TBX5: variants seen among roughly 807,000 people sequenced by gnomAD.
The protein encoded by TBX5 is T-box transcription factor TBX5.
TBX5 carries 8 observed loss-of-function variants against 51.1 expected under a neutral mutation model. The ratio of observed to expected loss-of-function variants is 0.16; its 90% CI spans 0.09 to 0.28. TBX5 has a LOEUF of 0.28. Ranked by LOEUF, TBX5 falls within the 10% of genes least tolerant of loss-of-function variation. TBX5 has a pLI of 1.00. For synonymous variants in TBX5, 302 were observed against 266.4 expected, an observed-to-expected ratio of 1.13 and a Z score of -1.30; for missense variants, 589 against 671.7, an observed-to-expected ratio of 0.88 and a Z score of 1.36.
intron 7 of TBX5, 43 bp from the exon 8 acceptor site, chr12:114,366,434 A>G: frequency 1.2e-6 from 2 of 1,600,536 alleles, no homozygotes; most frequent in Non-Finnish European, 1.7e-6. Flanking sequence ...CAGTGCCCTG[A>G]TACAGATTTC....
At chr12:114,405,055 C>A (rs1872117946) in intron 1 of TBX5, among the ~76,000 whole-genome samples, 1 of 152,214 alleles carries the variant, frequency 6.6e-6, no homozygotes, top group African/African-American at 2.4e-5. Flanking sequence ...CCCCCTAGAA[C>A]GGGAAGACTT....
intron 2 of TBX5, among the ~76,000 whole-genome samples, 200 bp downstream of exon 2, chr12:114,403,552 C>T (rs1388945510): frequency 6.6e-6 from 1 of 152,142 alleles, no homozygotes; most frequent in East Asian, 1.9e-4. Flanking sequence ...GATGGCAATA[C>T]GCTAGCATTT....
Position 114,403,826 on chromosome 12 carries a change from C to T in TBX5, c.73G>A (p.Asp25Asn). ...LEPDAKDLPC[D>N]SKPESALGAP... ...CCGAGCGCGCTCTCGGGTTTCGAAT[C>T]GCAGGGCAGGTCTTTTGCGTCAGGC... Residue 25 changes from aspartate to asparagine, a missense_variant, in exon 2 of 9, where the codon GAT (aspartate) becomes AAT (asparagine). Around this residue, in one of 7 missense-constraint regions of TBX5, gnomAD observed 101 missense variants for 83.3 expected, o/e 1.21. Coordinates refer to ENST00000405440, the MANE Select transcript of TBX5 (RefSeq NM_181486.4). 6.2e-7 allele frequency: 1 copy of T among 1,614,110 alleles called. No individual in the cohort carries two copies. The highest frequency in any genetic ancestry group is 8.5e-7 in the Non-Finnish European group (1 of 1,180,026).
At chr12:114,385,903 G>A (rs1870789309) in intron 6 of TBX5, among the ~76,000 whole-genome samples, 1 of 149,058 alleles carries the variant, frequency 6.7e-6, no homozygotes, top group Admixed American at 6.8e-5. Context: ...TCAATACTCA[G>A]TACTCCCTCC....
intron 3 of TBX5, among the ~76,000 whole-genome samples, chr12:114,400,918 G>C (rs181730674): frequency 6.6e-6 from 1 of 152,186 alleles, no homozygotes; most frequent in Non-Finnish European, 1.5e-5. Flanking sequence ...GTCTGGAAAG[G>C]CGGCTCCACC....
At chr12:114,375,687 T>A (rs1411211257) in intron 7 of TBX5, among the ~76,000 whole-genome samples, 2 of 152,092 alleles carry the variant, frequency 1.3e-5, no homozygotes. Flanking sequence ...ACACTGCTGG[T>A]GGGAATGCAA....
At chr12:114,397,062 C>G (rs895557185) in intron 5 of TBX5, among the ~76,000 whole-genome samples, 1 of 152,178 alleles carries the variant, frequency 6.6e-6, no homozygotes, top group Non-Finnish European at 1.5e-5. Flanking sequence ...CTCTTCCCAT[C>G]CCAGATCCTG....
At chr12:114,356,910 A>G (rs1233318494) in intron 8 of TBX5, among the ~76,000 whole-genome samples, 1 of 152,234 alleles carries the variant, frequency 6.6e-6, no homozygotes, top group Non-Finnish European at 1.5e-5. Flanking sequence ...AGCCAGGATT[A>G]GAATCCAAGT....
chr12:114,369,866 C>T (rs1869759131), intron 7 of TBX5, among the ~76,000 whole-genome samples: 1 of 152,024 alleles, frequency 6.6e-6, no homozygotes, highest in Admixed American at 6.5e-5. Context: ...CCTAATGTTC[C>T]AGCCACCGTA....
At chr12:114,401,964 A>G (rs752891793) in intron 2 of TBX5, 44 bp from the exon 3 acceptor site, 11 of 1,558,274 alleles carry the variant, frequency 7.1e-6, no homozygotes, top group Non-Finnish European at 8.8e-6. Flanking sequence ...CCCTGGCAGT[A>G]GTGGGCATTC....
At chr12:114,363,033 C>T (rs1266880994) in intron 8 of TBX5, among the ~76,000 whole-genome samples, 2 of 152,208 alleles carry the variant, frequency 1.3e-5, no homozygotes, top group Non-Finnish European at 2.9e-5. Context: ...GTATGAGCTT[C>T]ACAAGGGCAG....
In TBX5 at chr12:114,365,977, G is replaced by A. The variant is rs1869506773; in HGVS notation, c.982+188C>T. The A allele has an allele frequency of 7.0e-6, 5 of 709,938 alleles. No individual in the cohort carries two copies. In the Admixed American group the frequency reaches 8.8e-5, roughly 12 times the overall value. The allele number at this position is 709,938 out of a possible 1,614,324, so 44.0% of individuals were successfully genotyped here. A position where few individuals can be genotyped will look rare whatever the true frequency, so the allele number is the denominator to read the frequency against. On this transcript the variant is annotated intron_variant, in intron 8 of 8. Coordinates refer to ENST00000405440, the MANE Select transcript of TBX5 (RefSeq NM_181486.4). ...AAGGAGGGGCTGGAACTGGGGGTAG[G>A]AACATGTCAAGGGAACTTTTTGTTT...
intron 5 of TBX5, among the ~76,000 whole-genome samples, chr12:114,398,036 A>G (rs1447925080): frequency 6.6e-6 from 1 of 152,194 alleles, no homozygotes; most frequent in East Asian, 1.9e-4. Context: ...CAAGACTGAA[A>G]CACAGCCCTC....
chr12:114,397,186 C>A (rs1191811535), intron 5 of TBX5, among the ~76,000 whole-genome samples: 1 of 152,162 alleles, frequency 6.6e-6, no homozygotes, highest in Non-Finnish European at 1.5e-5. Flanking sequence ...CAGTCCCCTC[C>A]TTTCCCTGAA....
At chr12:114,394,319 G>A (rs1380123538) in intron 6 of TBX5, among the ~76,000 whole-genome samples, 4 of 152,010 alleles carry the variant, frequency 2.6e-5, no homozygotes, top group Admixed American at 6.6e-5. Flanking sequence ...ACCCTGTCTC[G>A]GAGTGAAAAA....
At chr12:114,384,981 A>G (rs914171880) in intron 7 of TBX5, among the ~76,000 whole-genome samples, 2 of 152,122 alleles carry the variant, frequency 1.3e-5, no homozygotes, top group African/African-American at 4.8e-5. Flanking sequence ...AATACCGAGC[A>G]ATTTTTAGCA....
At chr12:114,395,568 G>C (rs1871370818) in intron 5 of TBX5, among the ~76,000 whole-genome samples, 1 of 152,008 alleles carries the variant, frequency 6.6e-6, no homozygotes, top group African/African-American at 2.4e-5. Flanking sequence ...TAAGGTGTGG[G>C]GAGGAAGCAC....
At chr12:114,365,507 A>G (rs560753434) in intron 8 of TBX5, among the ~76,000 whole-genome samples, 5 of 152,280 alleles carry the variant, frequency 3.3e-5, no homozygotes, top group African/African-American at 1.2e-4. Context: ...CAAAATACAT[A>G]CAGTGTGATT....
At chr12:114,381,017 C>T (rs73201498) in intron 7 of TBX5, among the ~76,000 whole-genome samples, 50 of 152,096 alleles carry the variant, frequency 3.3e-4, no homozygotes, top group Non-Finnish European at 6.0e-4. Flanking sequence ...TGACTTTATG[C>T]TTTGTGCTTT....
Sources: allele counts gnomAD v4.1 joint callset (sites outside exome capture counted in the v4.1 genomes callset), GRCh38; gene constraint gnomAD v4.1.1; regional missense constraint gnomAD v4.1.1; transcripts MANE v1.5; gene names NCBI Gene and HGNC (gene_info 2026-07-23, HGNC 2026-07-21).